IL31RA: variants seen among roughly 807,000 people sequenced by gnomAD.
IL31RA encodes interleukin-31 receptor subunit alpha.
IL31RA carries 66 observed loss-of-function variants against 83.7 expected under a neutral mutation model. The observed-to-expected ratio is 0.79, with a 90% CI of 0.65 to 0.97. IL31RA has a LOEUF of 0.97. Among genes scored for constraint, IL31RA ranks in the 50% least tolerant of loss-of-function variants. IL31RA has a pLI of 0.00. For missense variants in IL31RA, 798 were observed against 919.4 expected (o/e 0.87, Z 1.71); for synonymous variants, 325 against 329.0 (o/e 0.99, Z 0.13).
At chr5:55,851,893 A>G (rs764957649) in intron 1 of IL31RA, among the ~76,000 whole-genome samples, 3 of 152,084 alleles carry the variant, frequency 2.0e-5, no homozygotes, top group East Asian at 1.9e-4. Flanking sequence ...GACATCTCTT[A>G]TTTGCTGTTG....
intron 2 of IL31RA, among the ~76,000 whole-genome samples, chr5:55,868,198 CAT>C (rs1464052076): frequency 6.6e-6 from 1 of 152,168 alleles, no homozygotes; most frequent in Non-Finnish European, 1.5e-5. Context: ...GAATTCTACC[CAT>C]GGACCCCTTA....
chr5:55,864,215 G>A (rs1195420897), intron 2 of IL31RA, among the ~76,000 whole-genome samples: 1 of 151,896 alleles, frequency 6.6e-6, no homozygotes, highest in Non-Finnish European at 1.5e-5. Context: ...ATGGGGGTGC[G>A]GCAGCCTACC....
chr5:55,918,803 C>CA lies in IL31RA; in HGVS notation c.*1684dup, dbSNP rs1749942824. 6.6e-6 allele frequency among the ~76,000 whole-genome samples: 1 copy of CA among 152,130 alleles called. No individual in the cohort carries two copies. Among genetic ancestry groups the CA allele is most frequent in the African/African-American group, 2.4e-5 (1 of 41,390 alleles). On this transcript the variant is annotated 3_prime_UTR_variant, in exon 15 of 15. Coordinates refer to ENST00000652347, the MANE Select transcript of IL31RA (RefSeq NM_139017.7). ...TCTCCAGCGGCTGCAGCCACCCCCCCACCACCCACCCAGGACTCAGTACTC... is the reference window on the plus strand; with the variant it reads ...TCTCCAGCGGCTGCAGCCACCCCCCCAACCACCCACCCAGGACTCAGTACTC...
intron 14 of IL31RA, 125 bp from the exon 15 acceptor site, chr5:55,916,519 G>C: frequency 1.2e-6 from 1 of 813,194 alleles, no homozygotes; most frequent in East Asian, 2.4e-5. Flanking sequence ...ACCACTTCTG[G>C]GCCTGGGAGG....
At chr5:55,915,246 TAG>T (rs1228114967) in intron 14 of IL31RA, among the ~76,000 whole-genome samples, 1 of 151,994 alleles carries the variant, frequency 6.6e-6, no homozygotes, top group African/African-American at 2.4e-5. Context: ...ATGGGCTAAT[TAG>T]AGAGAGAGGA....
chr5:55,895,346 C>T (rs1408678944), intron 6 of IL31RA, among the ~76,000 whole-genome samples: 1 of 152,196 alleles, frequency 6.6e-6, no homozygotes, highest in African/African-American at 2.4e-5. Context: ...ATTTCAGGTG[C>T]ATGTCAGGGC....
upstream of IL31RA, among the ~76,000 whole-genome samples, chr5:55,849,708 A>G (rs1455961205): frequency 1.3e-5 from 2 of 151,988 alleles, no homozygotes; most frequent in South Asian, 2.1e-4. Flanking sequence ...GGCGTCTGCC[A>G]CTCACTTGGG....
chr5:55,885,431 C>T lies in IL31RA; in HGVS notation c.606+2236C>T, dbSNP rs58062708. The stretch of plus-strand genomic sequence containing the variant: ...AAAATTCTCAGCAAAGCGAGATGGG[C>T]TCCTGCTAACAGGCTACCACCTCAC... On this transcript the variant is annotated intron_variant, in intron 5 of 14. Transcript: ENST00000652347. Among the ~76,000 whole-genome samples the T allele has an allele frequency of 9.2e-5, 14 of 152,252 alleles. No individual in the cohort carries two copies. In the East Asian group the frequency reaches 2.7e-3, roughly 29 times the overall value.
the IL31RA span, chr5:55,840,103 T>C: frequency 3.1e-6 from 1 of 327,322 alleles, no homozygotes; most frequent in South Asian, 3.3e-5. Context: ...GCCCACTTCT[T>C]AATTATTTTG....
intron 7 of IL31RA, among the ~76,000 whole-genome samples, chr5:55,899,527 G>A (rs1748677005): frequency 6.6e-6 from 1 of 152,202 alleles, no homozygotes. Context: ...GGATACTCCA[G>A]GCAAGAGATG....
In IL31RA at chr5:55,901,394, A is replaced by T. The variant is rs368674398; in HGVS notation, c.1069+1262A>T. Among the ~76,000 whole-genome samples the T allele has an allele frequency of 3.0e-4, 46 of 152,254 alleles. No homozygotes were observed. In the South Asian group the frequency reaches 6.4e-3, roughly 21 times the overall value. On this transcript the variant is annotated intron_variant, in intron 8 of 14. Transcript: ENST00000652347. ...AAAAGCATGGGCTTTGGAGTCCAGCAGCCCCGGGTTCAAATCTTTGCTCTT... is the reference window on the plus strand; with the variant it reads ...AAAAGCATGGGCTTTGGAGTCCAGCTGCCCCGGGTTCAAATCTTTGCTCTT...
At chr5:55,879,378 G>A (rs1433777790) in intron 4 of IL31RA, among the ~76,000 whole-genome samples, 1 of 147,624 alleles carries the variant, frequency 6.8e-6, no homozygotes, top group East Asian at 2.0e-4. Context: ...ATAAACCTTG[G>A]GTTGATTTCC....
upstream of IL31RA, among the ~76,000 whole-genome samples, chr5:55,847,451 G>A (rs1275925763): frequency 6.6e-5 from 10 of 151,800 alleles, no homozygotes; most frequent in Non-Finnish European, 1.5e-4. Context: ...GCGTGGTGGT[G>A]CACTCCTGTA....
chr5:55,861,541 G>C (rs191748973), intron 2 of IL31RA, among the ~76,000 whole-genome samples: 2 of 152,134 alleles, frequency 1.3e-5, no homozygotes, highest in Non-Finnish European at 2.9e-5. Flanking sequence ...GAAACCATCC[G>C]TACCCCAGGT....
intron 5 of IL31RA, among the ~76,000 whole-genome samples, chr5:55,889,721 C>T (rs990161232): frequency 6.6e-6 from 1 of 152,220 alleles, no homozygotes; most frequent in Non-Finnish European, 1.5e-5. Context: ...AGGCAGGAAT[C>T]TCTGCCCCAT....
intron 2 of IL31RA, among the ~76,000 whole-genome samples, chr5:55,862,289 T>C (rs1361289372): frequency 6.6e-6 from 1 of 152,236 alleles, no homozygotes; most frequent in African/African-American, 2.4e-5. Flanking sequence ...TATCTTATAA[T>C]ACAATAAAAA....
At chr5:55,841,266 T>G in the IL31RA span, among the ~76,000 whole-genome samples, 2 of 152,240 alleles carry the variant, frequency 1.3e-5, no homozygotes, top group South Asian at 4.1e-4. Context: ...TTCCACTTGT[T>G]ACCTTTTCTT....
At chr5:55,861,436 A>G (rs1296046891) in intron 2 of IL31RA, among the ~76,000 whole-genome samples, 5 of 152,160 alleles carry the variant, frequency 3.3e-5, no homozygotes, top group East Asian at 1.9e-4. Flanking sequence ...CACGAACCCT[A>G]TTGTGAACTG....
At chr5:55,848,522 C>T (rs1340787245), upstream of IL31RA, among the ~76,000 whole-genome samples, 3 of 152,084 alleles carry the variant, frequency 2.0e-5, no homozygotes, top group African/African-American at 7.2e-5. Flanking sequence ...TTTGTATTTT[C>T]GTTGCCCAAG....
Sources: gnomAD v4.1 joint callset for allele counts (sites outside exome capture counted in the v4.1 genomes callset) on GRCh38, gnomAD v4.1.1 for gene constraint, MANE v1.5 for transcripts, NCBI Gene and HGNC (gene_info 2026-07-23, HGNC 2026-07-21) for gene names.